Variants in SH3D19 observed in about 807,000 individuals in gnomAD.
SH3D19 encodes the protein SH3 domain containing 19.
A neutral mutation model predicts 112.1 loss-of-function variants in SH3D19; 58 were observed. That is an observed-to-expected ratio of 0.52 (90% CI 0.42 to 0.64). The LOEUF (loss-of-function observed/expected upper bound fraction) is 0.64. Ranked by LOEUF, SH3D19 falls within the 30% of genes least tolerant of loss-of-function variation. The probability of loss-of-function intolerance (pLI) is 0.00; values close to 1 mark genes in which losing one functional copy is unlikely to be tolerated. For missense variants in SH3D19, 1,090 were observed against 1,263.4 expected, an observed-to-expected ratio of 0.86 and a Z score of 2.08; for synonymous variants, 391 against 448.5, an observed-to-expected ratio of 0.87 and a Z score of 1.62.
chr4:151,127,620 T>C lies in SH3D19; in HGVS notation c.3025A>G (p.Lys1009Glu), dbSNP rs1460061482. Reference protein sequence around the residue: ...RGENEDELSFKAGDIITELES... With the variant: ...RGENEDELSFEAGDIITELES... ...TATGAAGAGATACACATTCTGACCT[T>C]GAAGGAAAGTTCATCTTCATTCTCC... Residue 1009 changes from lysine to glutamate, a missense_variant and splice_region_variant, in exon 19 of 20, where the codon AAG becomes GAG. By Grantham distance (56) the Lys-to-Glu change is moderately conservative. Transcript: ENST00000604030. 5 of 1,589,482 alleles carry C rather than the reference T, an allele frequency of 3.1e-6. No individual in the cohort carries two copies. The highest frequency in any genetic ancestry group is 4.3e-6 in the Non-Finnish European group (5 of 1,168,498).
intron 7 of SH3D19, among the ~76,000 whole-genome samples, chr4:151,169,200 T>G (rs1758616691): frequency 6.6e-6 from 1 of 152,182 alleles, no homozygotes; most frequent in African/African-American, 2.4e-5. Context: ...GCTTACTCAC[T>G]CTCTCATTTT....
intron 1 of SH3D19, chr4:151,291,175 G>C: frequency 6.2e-7 from 1 of 1,613,924 alleles, no homozygotes; most frequent in Non-Finnish European, 8.5e-7. Context: ...CCAGACAGGA[G>C]TAGTAAGCTG....
intron 1 of SH3D19, among the ~76,000 whole-genome samples, chr4:151,298,626 G>C (rs1240902648): frequency 7.4e-6 from 1 of 135,650 alleles, no homozygotes; most frequent in Non-Finnish European, 1.6e-5. Context: ...AGAGAGGGCA[G>C]GACTAGAGAA....
chr4:151,144,396 G>A (rs1753561736), intron 11 of SH3D19: 1 of 939,042 alleles, frequency 1.1e-6, no homozygotes, highest in African/African-American at 1.6e-5. Context: ...ACCTTCTCCA[G>A]CAGCTAAACT....
chr4:151,135,152 G>A lies in SH3D19; in HGVS notation c.2428-20C>T. 6.4e-7 allele frequency: 1 copy of A among 1,560,230 alleles called. No individual in the cohort carries two copies. The highest frequency in any genetic ancestry group is 8.7e-7 in the Non-Finnish European group (1 of 1,152,252). ...ATCAATCTAGCAAAGATAAAATCAA[G>A]GCAACAATTATATTTTTTTCAGATT... On this transcript the variant is annotated intron_variant, in intron 14 of 19. Transcript: ENST00000604030.
At chr4:151,183,846 T>C (rs1761318387) in intron 3 of SH3D19, among the ~76,000 whole-genome samples, 1 of 152,220 alleles carries the variant, frequency 6.6e-6, no homozygotes, top group Non-Finnish European at 1.5e-5. Flanking sequence ...GAAAGCTCAA[T>C]GGCCTTGAAG....
intron 1 of SH3D19, among the ~76,000 whole-genome samples, chr4:151,306,190 A>G (rs899584507): frequency 6.6e-6 from 1 of 152,198 alleles, no homozygotes; most frequent in Admixed American, 6.5e-5. Context: ...ACTGTTCTGT[A>G]TGGTGACTAT....
At chr4:151,238,795 G>A (rs946839307) in intron 1 of SH3D19, among the ~76,000 whole-genome samples, 1 of 152,014 alleles carries the variant, frequency 6.6e-6, no homozygotes, top group African/African-American at 2.4e-5. Context: ...TCAAGAAGAG[G>A]TAAAGCCACA....
At chr4:151,167,588 A>C (rs976739268) in intron 7 of SH3D19, among the ~76,000 whole-genome samples, 18 of 152,190 alleles carry the variant, frequency 1.2e-4, no homozygotes, top group African/African-American at 4.3e-4. Flanking sequence ...TCTTTGTAGC[A>C]GTTTTGTTCA....
chr4:151,170,091 A>C (rs1406694841), intron 7 of SH3D19, among the ~76,000 whole-genome samples: 7 of 152,138 alleles, frequency 4.6e-5, no homozygotes, highest in Admixed American at 3.9e-4. Context: ...GTATGGTAAA[A>C]ATTTCTGGAA....
intron 2 of SH3D19, among the ~76,000 whole-genome samples, chr4:151,206,007 A>AAC (rs10635205): frequency 0.066 from 9,913 of 151,294 alleles, 518 homozygotes; most frequent in East Asian, 0.19. Flanking sequence ...TTGAGAGGAA[A>AAC]ACACACACAC....
chr4:151,287,924 T>C (rs553068095), intron 1 of SH3D19, among the ~76,000 whole-genome samples: 1 of 152,158 alleles, frequency 6.6e-6, no homozygotes, highest in Admixed American at 6.5e-5. Flanking sequence ...GGATATACCA[T>C]AAACAACTGG....
At chr4:151,170,100 A>G (rs535917278) in intron 7 of SH3D19, among the ~76,000 whole-genome samples, 1 of 152,342 alleles carries the variant, frequency 6.6e-6, no homozygotes, top group East Asian at 1.9e-4. Context: ...AAATTTCTGG[A>G]AAAAGTCCAT....
rs544859166 is a variant in SH3D19, at chr4:151,156,919, G to A, written c.1755+2321C>T. On this transcript the variant is annotated intron_variant, in intron 9 of 19. Transcript: ENST00000604030. ...ATATTTGCAAACTACTCATCTGATA[G>A]GGGATTAGTATCCAGAATACAAAAG... 1.4e-4 allele frequency among the ~76,000 whole-genome samples: 21 copies of A among 152,272 alleles called. 1 individual carries two copies. The South Asian group carries it at 3.3e-3, about 24-fold the overall frequency.
intron 1 of SH3D19, among the ~76,000 whole-genome samples, chr4:151,241,705 C>T (rs1297816758): frequency 6.6e-6 from 1 of 151,750 alleles, no homozygotes; most frequent in African/African-American, 2.4e-5. Flanking sequence ...AAATTGTACA[C>T]TTTAAATGGG....
chr4:151,167,683 C>A (rs1336477600), intron 7 of SH3D19, among the ~76,000 whole-genome samples: 1 of 151,940 alleles, frequency 6.6e-6, no homozygotes, highest in African/African-American at 2.4e-5. Context: ...TGTCTCTGCC[C>A]GACCGCCGCC....
chr4:151,122,944 C>T (rs1302309488), intron 19 of SH3D19, among the ~76,000 whole-genome samples: 3 of 151,330 alleles, frequency 2.0e-5, no homozygotes, highest in Non-Finnish European at 2.9e-5. Context: ...CTCTGCCTCC[C>T]GGGTTCAAAC....
chr4:151,137,101 G>A (rs796256870), intron 14 of SH3D19, among the ~76,000 whole-genome samples: 1 of 152,270 alleles, frequency 6.6e-6, no homozygotes, highest in African/African-American at 2.4e-5. Flanking sequence ...ACAGCCATCT[G>A]GGCTTACACA....
chr4:151,237,294 G>T (rs1305931723), intron 1 of SH3D19, among the ~76,000 whole-genome samples: 2 of 152,170 alleles, frequency 1.3e-5, no homozygotes, highest in Admixed American at 1.3e-4. Context: ...AACCTTTTAA[G>T]ATCTTTTAAG....
Sources: gnomAD v4.1 joint callset for allele counts (sites outside exome capture counted in the v4.1 genomes callset) on GRCh38, gnomAD v4.1.1 for gene constraint, MANE v1.5 for transcripts, NCBI Gene and HGNC (gene_info 2026-07-23, HGNC 2026-07-21) for gene names.